TAF1: variants seen among roughly 807,000 people sequenced by gnomAD.
TAF1 encodes transcription initiation factor TFIID subunit 1.
Under a neutral mutation model 138.5 loss-of-function variants are expected in TAF1, and 2 were observed. That is an observed-to-expected ratio of 0.01 (90% CI 0.01 to 0.05). TAF1 has a LOEUF of 0.05. TAF1 is among the 10% of genes least tolerant of loss of function. TAF1 has a pLI of 1.00. For synonymous variants in TAF1, 437 were observed against 503.2 expected, an observed-to-expected ratio of 0.87 and a Z score of 1.76; for missense variants, 709 against 1,478.0, an observed-to-expected ratio of 0.48 and a Z score of 8.53.
intron 32 of TAF1, among the ~76,000 whole-genome samples, chrX:71,446,362 T>C (rs1353090057): frequency 1.8e-5 from 2 of 112,288 alleles, no homozygotes; most frequent in African/African-American, 6.5e-5. Flanking sequence ...ACAACCTCTT[T>C]AACGCTGGGA....
At chrX:71,453,694 AC>A (rs1326523941) in intron 32 of TAF1, among the ~76,000 whole-genome samples, 1 of 110,104 alleles carries the variant, frequency 9.1e-6, no homozygotes, top group Non-Finnish European at 1.9e-5. Context: ...ATATTATCAG[AC>A]ATAATTGTTT....
intron 25 of TAF1, among the ~76,000 whole-genome samples, chrX:71,404,629 G>A (rs1447914901): frequency 1.8e-5 from 2 of 111,666 alleles, no homozygotes; most frequent in South Asian, 3.7e-4. Context: ...GAGCTACCAC[G>A]CTCAGCTGGT....
chrX:71,528,708 A>C, exon 14 of TAF1: 1 of 330,756 alleles, frequency 3.0e-6, no homozygotes, highest in Non-Finnish European at 5.9e-6. Context: ...TTCAAGAATG[A>C]AGCCGTGGAC....
intron 13 of TAF1, among the ~76,000 whole-genome samples, chrX:71,501,856 A>T (rs950076990): frequency 3.6e-5 from 4 of 111,348 alleles, no homozygotes; most frequent in Admixed American, 1.9e-4. Flanking sequence ...AGGACAGAAT[A>T]GCAAGTGAAA....
intron 13 of TAF1, among the ~76,000 whole-genome samples, chrX:71,487,353 C>T (rs919084865): frequency 4.1e-5 from 3 of 72,917 alleles, no homozygotes; most frequent in African/African-American, 1.2e-4. Flanking sequence ...GACGGAGTTT[C>T]GCTCTTGTCA....
At chrX:71,430,301 A>G (rs1025947577) in intron 32 of TAF1, among the ~76,000 whole-genome samples, 1 of 105,961 alleles carries the variant, frequency 9.4e-6, no homozygotes, top group Non-Finnish European at 1.9e-5. Flanking sequence ...CAATGGCGGG[A>G]GGAACCCGGG....
At chrX:71,407,912 C>G (rs181108691) in intron 27 of TAF1, 62 bp from the exon 28 acceptor site, 1 of 1,160,629 alleles carries the variant, frequency 8.6e-7, no homozygotes, top group African/African-American at 1.8e-5. Flanking sequence ...ATGTGAAAGT[C>G]TTCAGGAATT....
chrX:71,458,437 T>C, intron 35 of TAF1, 71 bp downstream of exon 35: 1 of 1,140,956 alleles, frequency 8.8e-7, no homozygotes, highest in South Asian at 2.1e-5. Flanking sequence ...ATGGTGATGG[T>C]GATGGTGATA....
At position 71,382,988 on chromosome X, in the gene TAF1, T is replaced by C. The variant is rs1392027999; in HGVS notation, c.1774-3T>C. The C allele has an allele frequency of 5.0e-6, 6 of 1,202,754 alleles. No individual in the cohort carries two copies. The highest frequency in any genetic ancestry group is 5.6e-6 in the Non-Finnish European group (5 of 892,606). On this transcript the variant is annotated splice_polypyrimidine_tract_variant and splice_region_variant and intron_variant, in intron 11 of 37. Transcript: ENST00000423759. Reference sequence around the variant, plus strand: ...ATTTTAACCCTTCTATTTCCTGTTTTAGCATTCAATTCCTGCTGTGGAATT... The same window carrying C: ...ATTTTAACCCTTCTATTTCCTGTTTCAGCATTCAATTCCTGCTGTGGAATT...
chrX:71,454,284 C>T, intron 33 of TAF1, 47 bp downstream of exon 33: 1 of 1,105,158 alleles, frequency 9.0e-7, no homozygotes, highest in Admixed American at 2.3e-5. Flanking sequence ...CATAAGGAGA[C>T]CCCATCTTTA....
At chrX:71,426,607 C>T (rs928722897) in intron 32 of TAF1, among the ~76,000 whole-genome samples, 3 of 109,657 alleles carry the variant, frequency 2.7e-5, no homozygotes, top group South Asian at 3.9e-4. Context: ...CCCAGCTAGT[C>T]GGGAGGCTGA....
At chrX:71,394,000 A>G (rs936539407) in intron 21 of TAF1, 67 bp from the exon 22 acceptor site, 8 of 1,076,253 alleles carry the variant, frequency 7.4e-6, no homozygotes, top group African/African-American at 3.8e-5. Context: ...TGATTTCCCA[A>G]TTTTTTACTT....
intron 13 of TAF1, among the ~76,000 whole-genome samples, chrX:71,517,937 A>C (rs1303458544): frequency 1.8e-5 from 2 of 109,934 alleles, no homozygotes; most frequent in African/African-American, 6.6e-5. Flanking sequence ...ACCTGGTACC[A>C]CAAGTGCACA....
In TAF1 at chrX:71,394,776, T is replaced by A. The variant is rs755991872; in HGVS notation, c.3406+531T>A. Among the ~76,000 whole-genome samples, 9 of 111,355 alleles carry A rather than the reference T, an allele frequency of 8.1e-5. No homozygotes were observed. The South Asian group carries it at 3.4e-3, about 43-fold the overall frequency. On this transcript the variant is annotated intron_variant, in intron 22 of 37. Transcript: ENST00000423759. ...CCTCCTGAGTAGCTGGGACTATAGG[T>A]GCATGCCACCATGCCTGGCTAATTT... is the stretch of plus-strand genomic sequence containing the variant.
chrX:71,369,549 C>T (rs953399172), intron 3 of TAF1, among the ~76,000 whole-genome samples: 3 of 110,175 alleles, frequency 2.7e-5, no homozygotes, highest in Non-Finnish European at 5.7e-5. Context: ...TAGCTCAGTT[C>T]GTTAGACATT....
intron 22 of TAF1, among the ~76,000 whole-genome samples, chrX:71,394,916 G>A (rs1006923250): frequency 3.6e-5 from 4 of 112,019 alleles, no homozygotes; most frequent in African/African-American, 9.7e-5. Flanking sequence ...GGATGGTGTC[G>A]AACTCCTGAG....
chrX:71,480,093 T>C (rs1467321567), intron 13 of TAF1, among the ~76,000 whole-genome samples: 1 of 110,471 alleles, frequency 9.1e-6, no homozygotes, highest in Non-Finnish European at 1.9e-5. Context: ...GGCATGGTGG[T>C]GTGCACCTGC....
intron 32 of TAF1, among the ~76,000 whole-genome samples, chrX:71,446,913 A>G (rs2037719627): frequency 8.9e-6 from 1 of 111,810 alleles, no homozygotes; most frequent in Non-Finnish European, 1.9e-5. Context: ...TCCTCATTCT[A>G]CATAAGGTAA....
intron 32 of TAF1, among the ~76,000 whole-genome samples, chrX:71,441,283 G>T (rs1036898421): frequency 8.3e-5 from 9 of 108,729 alleles, no homozygotes; most frequent in Non-Finnish European, 1.7e-4. Context: ...AATTTTATTA[G>T]ACTACAAAAA....
Sources: gnomAD v4.1 joint callset for allele counts (sites outside exome capture counted in the v4.1 genomes callset) on GRCh38, gnomAD v4.1.1 for gene constraint, MANE v1.5 for transcripts, NCBI Gene and HGNC (gene_info 2026-07-23, HGNC 2026-07-21) for gene names.